AGBL1: variants seen among roughly 807,000 people sequenced by gnomAD.
The protein encoded by AGBL1 is cytosolic carboxypeptidase 4.
In AGBL1, 130 loss-of-function variants were observed where a neutral mutation model predicts 118.9. The observed-to-expected ratio is 1.09, with a 90% CI of 0.95 to 1.26. The LOEUF is 1.26. Ranked by LOEUF, AGBL1 falls within the 50% of genes most tolerant of loss-of-function variation. The probability of loss-of-function intolerance (pLI) is 0.00; values close to 1 mark genes in which losing one functional copy is unlikely to be tolerated. For synonymous variants in AGBL1, 555 were observed against 478.9 expected, an observed-to-expected ratio of 1.16 and a Z score of -2.08; for missense variants, 1,584 against 1,298.1, an observed-to-expected ratio of 1.22 and a Z score of -3.38.
At chr15:86,651,563 C>T (rs777335231) in intron 21 of AGBL1, among the ~76,000 whole-genome samples, 2 of 152,172 alleles carry the variant, frequency 1.3e-5, no homozygotes, top group Admixed American at 6.5e-5. Flanking sequence ...CAATCCTCAT[C>T]CACAATGCTG....
At chr15:86,499,234 G>A (rs2082889609) in intron 18 of AGBL1, among the ~76,000 whole-genome samples, 1 of 151,910 alleles carries the variant, frequency 6.6e-6, no homozygotes, top group Non-Finnish European at 1.5e-5. Flanking sequence ...ACAGTTATCA[G>A]CAAAGGGAAT....
At chr15:86,958,266 A>G (rs186839790) in intron 23 of AGBL1, among the ~76,000 whole-genome samples, 2 of 151,684 alleles carry the variant, frequency 1.3e-5, no homozygotes, top group Non-Finnish European at 2.9e-5. Flanking sequence ...TCTCCTTTGC[A>G]TTGTATTAAT....
At chr15:86,514,540 C>A (rs2083094432) in intron 18 of AGBL1, among the ~76,000 whole-genome samples, 1 of 152,028 alleles carries the variant, frequency 6.6e-6, no homozygotes, top group Admixed American at 6.6e-5. Context: ...ATGTTTGTAA[C>A]CCATTTGGGT....
chr15:86,803,110 A>C (rs750688107), intron 22 of AGBL1, among the ~76,000 whole-genome samples: 2 of 152,130 alleles, frequency 1.3e-5, no homozygotes, highest in Non-Finnish European at 2.9e-5. Context: ...TTTGTTTCAT[A>C]AGGAGCATCA....
intron 5 of AGBL1, among the ~76,000 whole-genome samples, chr15:86,193,076 A>G (rs1052913078): frequency 6.6e-6 from 1 of 152,202 alleles, no homozygotes; most frequent in African/African-American, 2.4e-5. Context: ...AAATGATAGC[A>G]CCTTAATTTA....
At chr15:86,311,099 G>A (rs1262865844) in intron 17 of AGBL1, among the ~76,000 whole-genome samples, 2 of 152,182 alleles carry the variant, frequency 1.3e-5, no homozygotes, top group Non-Finnish European at 2.9e-5. Context: ...CCTTCAGGGG[G>A]AGAGACAGGC....
chr15:86,347,997 T>C (rs1372089148), intron 17 of AGBL1, among the ~76,000 whole-genome samples: 1 of 152,154 alleles, frequency 6.6e-6, no homozygotes, highest in Non-Finnish European at 1.5e-5. Flanking sequence ...AAAGGCTGGG[T>C]AAGAGCCATT....
chr15:86,487,272 T>C (rs2082725269), intron 18 of AGBL1, among the ~76,000 whole-genome samples: 1 of 152,038 alleles, frequency 6.6e-6, no homozygotes, highest in Non-Finnish European at 1.5e-5. Context: ...TCTCTTCCTA[T>C]TGTAACTCTT....
intron 22 of AGBL1, among the ~76,000 whole-genome samples, chr15:86,719,791 T>C (rs1260629712): frequency 6.6e-6 from 1 of 152,224 alleles, no homozygotes; most frequent in South Asian, 2.1e-4. Flanking sequence ...AATTAGTCTT[T>C]CCAGGTATTG....
intron 18 of AGBL1, among the ~76,000 whole-genome samples, chr15:86,508,019 T>G (rs1274898036): frequency 6.6e-6 from 1 of 151,496 alleles, no homozygotes; most frequent in East Asian, 1.9e-4. Context: ...TTTTTTTTTT[T>G]TTTTGAGATG....
chr15:86,143,917 G>A lies in AGBL1; in HGVS notation c.262+72G>A, dbSNP rs1004744494. The A allele has an allele frequency of 3.9e-6, 6 of 1,545,584 alleles. No individual in the cohort carries two copies. The African/African-American group carries it at 8.2e-5, about 21-fold the overall frequency. ...GGTTGTTATCATGAGTGCAATTTGGGAAGCTTTGGTGGAGTAGCACAGGGA... is the reference window on the plus strand; with the variant it reads ...GGTTGTTATCATGAGTGCAATTTGGAAAGCTTTGGTGGAGTAGCACAGGGA... On this transcript the variant is annotated intron_variant, in intron 3 of 22. Coordinates refer to ENST00000614907, the MANE Select transcript of AGBL1 (RefSeq NM_001386094.1).
exon 25 of AGBL1, chr15:87,029,019 C>A: frequency 3.4e-6 from 2 of 593,452 alleles, no homozygotes; most frequent in Non-Finnish European, 5.7e-6. Flanking sequence ...AACATAAGGA[C>A]AGGCAATCTT....
At chr15:86,413,034 T>C (rs2081643770) in intron 18 of AGBL1, among the ~76,000 whole-genome samples, 1 of 152,160 alleles carries the variant, frequency 6.6e-6, no homozygotes, top group African/African-American at 2.4e-5. Flanking sequence ...TCAATTCAGT[T>C]TCTTTCTTTT....
intron 1 of AGBL1, among the ~76,000 whole-genome samples, chr15:86,101,726 T>C (rs908504589): frequency 1.3e-5 from 2 of 152,094 alleles, no homozygotes; most frequent in Admixed American, 6.5e-5. Context: ...ATGTGGAATA[T>C]ATTTTTCTAT....
At chr15:86,396,256 T>C (rs2081362039) in intron 17 of AGBL1, among the ~76,000 whole-genome samples, 1 of 149,264 alleles carries the variant, frequency 6.7e-6, no homozygotes, top group Non-Finnish European at 1.5e-5. Context: ...TATATATATA[T>C]ATATATACAC....
Position 86,378,723 on chromosome 15 carries a change from A to T in AGBL1, c.2375-18643A>T, listed in dbSNP as rs191602524. Among the ~76,000 whole-genome samples the T allele has an allele frequency of 3.9e-5, 6 of 152,148 alleles. No homozygotes were observed. The East Asian group carries it at 9.7e-4, about 25-fold the overall frequency. ...TTATACCCATTTCACAGCTGAACAAATTGAGGCCACATGTAAGTAACATAT... is the reference window on the plus strand; with the variant it reads ...TTATACCCATTTCACAGCTGAACAATTTGAGGCCACATGTAAGTAACATAT... On this transcript the variant is annotated intron_variant, in intron 17 of 22. Coordinates refer to ENST00000614907, the MANE Select transcript of AGBL1 (RefSeq NM_001386094.1).
intron 19 of AGBL1, among the ~76,000 whole-genome samples, chr15:86,526,542 GTGTATATATA>G (rs1382001045): frequency 4.8e-4 from 20 of 41,464 alleles, no homozygotes; most frequent in African/African-American, 1.2e-3. Flanking sequence ...GTTTGTGTCT[GTGTATATATA>G]TATATATATA....
chr15:86,887,429 A>C (rs2079986882), intron 22 of AGBL1, among the ~76,000 whole-genome samples: 1 of 152,226 alleles, frequency 6.6e-6, no homozygotes, highest in Non-Finnish European at 1.5e-5. Flanking sequence ...CACTGAGCTC[A>C]ACAGGGCTTT....
In AGBL1 at chr15:86,426,612, C is replaced by T. The variant is rs185873128; in HGVS notation, c.2555+29066C>T. Reference sequence around the variant, plus strand: ...AAGTGAGTAGTGGACATGAGTTATGCCCTGCCTAAATGCAGCCTTAAGGCT... The same window carrying T: ...AAGTGAGTAGTGGACATGAGTTATGTCCTGCCTAAATGCAGCCTTAAGGCT... On this transcript the variant is annotated intron_variant, in intron 18 of 22. Transcript: ENST00000614907. Among the ~76,000 whole-genome samples the T allele has an allele frequency of 6.9e-4, 105 of 152,284 alleles. 1 individual carries two copies. The highest frequency in any genetic ancestry group is 2.5e-3 in the African/African-American group (102 of 41,556).
Sources: gnomAD v4.1 joint callset for allele counts (sites outside exome capture counted in the v4.1 genomes callset) on GRCh38, gnomAD v4.1.1 for gene constraint, MANE v1.5 for transcripts, NCBI Gene and HGNC (gene_info 2026-07-23, HGNC 2026-07-21) for gene names.